The following MSRA variants were observed in gnomAD, a reference collection of about 807,000 sequenced individuals.
The protein encoded by MSRA is methionine sulfoxide reductase A, also known as mitochondrial peptide methionine sulfoxide reductase.
In MSRA, 54 loss-of-function variants were observed where a neutral mutation model predicts 31.3. The ratio of observed to expected loss-of-function variants is 1.73; its 90% CI spans 1.39 to 2.17. The LOEUF (loss-of-function observed/expected upper bound fraction) is 2.17. Ranked by LOEUF, MSRA falls within the 30% of genes most tolerant of loss-of-function variation. The pLI is 0.00. For synonymous variants in MSRA, 169 were observed against 116.5 expected, an observed-to-expected ratio of 1.45 and a Z score of -2.90; for missense variants, 507 against 300.9, an observed-to-expected ratio of 1.69 and a Z score of -5.07.
intron 3 of MSRA, among the ~76,000 whole-genome samples, chr8:10,267,878 C>T (rs1309823126): frequency 6.6e-6 from 1 of 152,084 alleles, no homozygotes; most frequent in East Asian, 1.9e-4. Context: ...TGCACGTGTT[C>T]GTTTGGGAGG....
intron 1 of MSRA, among the ~76,000 whole-genome samples, chr8:10,063,063 A>G (rs1218302011): frequency 6.6e-6 from 1 of 152,164 alleles, no homozygotes; most frequent in Non-Finnish European, 1.5e-5. Context: ...CAAATACGAG[A>G]TGCTGTAAGC....
chr8:10,122,966 T>A (rs1162689172), intron 1 of MSRA, among the ~76,000 whole-genome samples: 1 of 152,242 alleles, frequency 6.6e-6, no homozygotes, highest in Non-Finnish European at 1.5e-5. Context: ...ACATCTTTGC[T>A]ATTGTGAATA....
At chr8:10,398,512 C>G (rs528203640) in intron 5 of MSRA, among the ~76,000 whole-genome samples, 5 of 152,300 alleles carry the variant, frequency 3.3e-5, no homozygotes, top group African/African-American at 9.6e-5. Flanking sequence ...TTGCCTTTGC[C>G]CTGAGATGGA....
rs10101776 is a variant in MSRA at position 10,170,648 on chromosome 8, G to A, written c.143-37185G>A. Among the ~76,000 whole-genome samples the A allele has an allele frequency of 1.6e-3, 241 of 152,320 alleles. 1 individual carries two copies. Among genetic ancestry groups the A allele is most frequent in the African/African-American group, 5.3e-3 (220 of 41,570 alleles). ...TAGGTATTGTAAGTCATCTAGAGAT[G>A]ATTTAAAGTATATGGGAGGATGTGC... is the stretch of plus-strand genomic sequence containing the variant. On this transcript the variant is annotated intron_variant, in intron 1 of 5. Transcript: ENST00000317173.
At chr8:10,122,084 C>T (rs957987183) in intron 1 of MSRA, among the ~76,000 whole-genome samples, 6 of 152,090 alleles carry the variant, frequency 3.9e-5, no homozygotes, top group Non-Finnish European at 8.8e-5. Flanking sequence ...AGGGGCACCA[C>T]ATATCTGTCC....
chr8:10,191,307 C>A (rs749680405), intron 1 of MSRA, among the ~76,000 whole-genome samples: 17 of 152,120 alleles, frequency 1.1e-4, no homozygotes, highest in Non-Finnish European at 2.1e-4. Context: ...ATCAACAAAA[C>A]AAAACCCCAC....
chr8:10,250,156 C>G (rs923322348), intron 3 of MSRA, among the ~76,000 whole-genome samples: 2 of 152,054 alleles, frequency 1.3e-5, no homozygotes, highest in African/African-American at 2.4e-5. Context: ...TTATGCAAAC[C>G]AACTGATTAA....
At position 10,428,154 on chromosome 8, in the gene MSRA, T is replaced by A. The variant is rs769376261; in HGVS notation, c.550T>A (p.Ser184Thr). 11 of 1,612,302 alleles carry A rather than the reference T, an allele frequency of 6.8e-6. No homozygotes were observed. In the African/African-American group the frequency reaches 1.3e-4, roughly 20 times the overall value. ...SSKENYQKVL[S>T]EHGFGPITTD... The stretch of plus-strand genomic sequence containing the variant: ...CCTTTCTGTGTCCCCACAGGTTCTT[T>A]CAGAGCACGGCTTCGGCCCCATCAC... The change falls in exon 6 of 6, where the codon TCA becomes ACA. Residue 184 changes from serine (S) to threonine (T), a missense_variant. Ser to Thr is a moderately conservative substitution (Grantham distance 58). Coordinates refer to ENST00000317173, the MANE Select transcript of MSRA (RefSeq NM_012331.5).
intron 5 of MSRA, among the ~76,000 whole-genome samples, chr8:10,377,410 G>T (rs1052570952): frequency 6.6e-6 from 1 of 152,206 alleles, no homozygotes; most frequent in African/African-American, 2.4e-5. Flanking sequence ...TTTTCCATTA[G>T]CAGATAAGCC....
intron 4 of MSRA, among the ~76,000 whole-genome samples, chr8:10,308,697 G>A (rs1226214325): frequency 6.6e-6 from 1 of 152,164 alleles, no homozygotes; most frequent in Non-Finnish European, 1.5e-5. Flanking sequence ...TGCTCACTGT[G>A]CTTCAGTTAC....
At chr8:10,389,538 A>C (rs557007293) in intron 5 of MSRA, among the ~76,000 whole-genome samples, 36 of 152,232 alleles carry the variant, frequency 2.4e-4, no homozygotes, top group Non-Finnish European at 1.3e-4. Flanking sequence ...TTAACAAAAA[A>C]TGAGGCAGGG....
At chr8:10,187,255 TA>T (rs1807136058) in intron 1 of MSRA, among the ~76,000 whole-genome samples, 1 of 152,236 alleles carries the variant, frequency 6.6e-6, no homozygotes, top group African/African-American at 2.4e-5. Flanking sequence ...TGGCCGGTGA[TA>T]CCTGGAGTGT....
intron 5 of MSRA, among the ~76,000 whole-genome samples, chr8:10,363,738 C>A (rs907335948): frequency 3.9e-5 from 4 of 103,288 alleles, no homozygotes; most frequent in African/African-American, 1.3e-4. Flanking sequence ...GATGCAGTCA[C>A]CACACACACA....
intron 5 of MSRA, among the ~76,000 whole-genome samples, chr8:10,330,018 G>GTGTGTGTA (rs1802601427): frequency 1.3e-5 from 2 of 150,942 alleles, no homozygotes; most frequent in Admixed American, 1.3e-4. Flanking sequence ...GTGTGTGTGT[G>GTGTGTGTA]TGTGTGTGTG....
chr8:10,100,608 G>A (rs1037298700), intron 1 of MSRA, among the ~76,000 whole-genome samples: 2 of 152,110 alleles, frequency 1.3e-5, no homozygotes, highest in Non-Finnish European at 2.9e-5. Flanking sequence ...TAGATCAAGT[G>A]AAAGAAAAGG....
At chr8:10,232,389 G>A (rs931135905) in intron 2 of MSRA, among the ~76,000 whole-genome samples, 3 of 152,188 alleles carry the variant, frequency 2.0e-5, no homozygotes, top group Non-Finnish European at 4.4e-5. Context: ...GAGTGTGCTA[G>A]TTAGCAAGAG....
chr8:10,334,784 C>T (rs1248924912), intron 5 of MSRA, among the ~76,000 whole-genome samples: 5 of 152,218 alleles, frequency 3.3e-5, no homozygotes, highest in African/African-American at 9.6e-5. Flanking sequence ...AATAGATGGT[C>T]CCGCTTTGCA....
At chr8:10,152,267 G>T (rs752944757) in intron 1 of MSRA, among the ~76,000 whole-genome samples, 1 of 152,162 alleles carries the variant, frequency 6.6e-6, no homozygotes, top group African/African-American at 2.4e-5. Context: ...ACATGTATAC[G>T]TATGTATATA....
intron 5 of MSRA, among the ~76,000 whole-genome samples, chr8:10,424,810 A>C (rs575132756): frequency 1.3e-5 from 2 of 152,220 alleles, no homozygotes; most frequent in East Asian, 3.9e-4. Context: ...AGGGCAGTGC[A>C]CTCTTTGAAG....
Sources: allele counts gnomAD v4.1 joint callset (sites outside exome capture counted in the v4.1 genomes callset), GRCh38; gene constraint gnomAD v4.1.1; transcripts MANE v1.5; gene names NCBI Gene and HGNC (gene_info 2026-07-23, HGNC 2026-07-21).